UGT1A7: variants seen among roughly 807,000 people sequenced by gnomAD.
The protein encoded by UGT1A7 is UDP glucuronosyltransferase family 1 member A7.
In UGT1A7, 33 loss-of-function variants were observed where a neutral mutation model predicts 45.6. The observed-to-expected ratio is 0.72, with a 90% CI of 0.55 to 0.97. The LOEUF is 0.97. Ranked by LOEUF, UGT1A7 falls within the 50% of genes least tolerant of loss-of-function variation. The pLI, the probability that UGT1A7 is intolerant of heterozygous loss-of-function variation, is 0.00. For synonymous variants in UGT1A7, 274 were observed against 250.6 expected (o/e 1.09, Z -0.88); for missense variants, 684 against 666.2 (o/e 1.03, Z -0.29).
intron 1 of UGT1A7, among the ~76,000 whole-genome samples, chr2:233,751,775 T>C (rs1694807699): frequency 1.3e-5 from 2 of 152,228 alleles, no homozygotes; most frequent in Non-Finnish European, 2.9e-5. Context: ...ATGACTTTGC[T>C]TATCTCTCAC....
chr2:233,757,439 A>G (rs942606489), intron 1 of UGT1A7, among the ~76,000 whole-genome samples: 6 of 151,228 alleles, frequency 4.0e-5, no homozygotes, highest in African/African-American at 1.5e-4. Flanking sequence ...AGTCACTTCT[A>G]TACAGAAACA....
At chr2:233,744,920 C>T (rs543250877) in intron 1 of UGT1A7, among the ~76,000 whole-genome samples, 1 of 151,948 alleles carries the variant, frequency 6.6e-6, no homozygotes, top group African/African-American at 2.4e-5. Flanking sequence ...GCTCAAGCTC[C>T]TTTTATAAAA....
intron 1 of UGT1A7, among the ~76,000 whole-genome samples, chr2:233,758,268 G>A (rs1000936353): frequency 2.6e-5 from 4 of 152,178 alleles, no homozygotes; most frequent in Non-Finnish European, 5.9e-5. Flanking sequence ...AGTATTTCTT[G>A]GTCAAGGGCA....
At chr2:233,764,522 C>G (rs1698581178) in intron 1 of UGT1A7, among the ~76,000 whole-genome samples, 1 of 152,138 alleles carries the variant, frequency 6.6e-6, no homozygotes, top group Non-Finnish European at 1.5e-5. Context: ...TGAATCACAT[C>G]CTGCTGATTG....
chr2:233,750,944 CAG>C (rs1694596562), intron 1 of UGT1A7, among the ~76,000 whole-genome samples: 3 of 152,000 alleles, frequency 2.0e-5, no homozygotes, highest in Middle Eastern at 3.4e-3. Flanking sequence ...AGCCCCCACA[CAG>C]AGTCTCCACT....
chr2:233,753,865 C>T (rs560460253), intron 1 of UGT1A7, among the ~76,000 whole-genome samples: 1 of 152,330 alleles, frequency 6.6e-6, no homozygotes, highest in East Asian at 1.9e-4. Context: ...CACATAACCC[C>T]AAGGTCTGTC....
chr2:233,765,571 G>A (rs997936570), intron 1 of UGT1A7, among the ~76,000 whole-genome samples: 4 of 152,064 alleles, frequency 2.6e-5, no homozygotes, highest in Admixed American at 2.0e-4. Flanking sequence ...ATGCGTAGAC[G>A]CAGGGAGGGG....
At chr2:233,708,113 A>G (rs956994077) in intron 1 of UGT1A7, among the ~76,000 whole-genome samples, 2 of 152,226 alleles carry the variant, frequency 1.3e-5, no homozygotes, top group African/African-American at 4.8e-5. Context: ...ACATCTTAGT[A>G]TATGACTCAC....
At chr2:233,767,454 G>A (rs1699397027) in intron 2 of UGT1A7, among the ~76,000 whole-genome samples, 1 of 152,122 alleles carries the variant, frequency 6.6e-6, no homozygotes, top group South Asian at 2.1e-4. Context: ...TAAAATAAAT[G>A]GGATATTGTT....
chr2:233,720,572 T>C (rs2076872220), intron 1 of UGT1A7, among the ~76,000 whole-genome samples: 1 of 152,112 alleles, frequency 6.6e-6, no homozygotes, highest in Non-Finnish European at 1.5e-5. Context: ...ATCTATTCTT[T>C]TTCCAAAAAT....
chr2:233,763,322 A>T (rs767434078), intron 1 of UGT1A7, among the ~76,000 whole-genome samples: 4 of 152,108 alleles, frequency 2.6e-5, no homozygotes, highest in Non-Finnish European at 5.9e-5. Context: ...CTTCTGTATT[A>T]TTTTTGTTTA....
At position 233,682,379 on chromosome 2, in the gene UGT1A7, G is replaced by A. The variant is rs768980340; in HGVS notation, c.442G>A (p.Asp148Asn). ...KESCFDAVFL[D>N]PFDACGLIVA... ...GAGTTGTTTTGATGCAGTGTTTCTC[G>A]ATCCTTTTGATGCCTGTGGCTTAAT... The change falls in exon 1 of 5, where the codon GAT (aspartate) becomes AAT (asparagine). Residue 148 changes from aspartate to asparagine, a missense_variant. Asp to Asn is a conservative substitution (Grantham distance 23). Coordinates refer to ENST00000373426, the MANE Select transcript of UGT1A7 (RefSeq NM_019077.3). 6.2e-7 allele frequency: 1 copy of A among 1,613,868 alleles called. No homozygotes were observed. The highest frequency in any genetic ancestry group is 1.3e-5 in the African/African-American group (1 of 74,956).
At chr2:233,759,132 G>A (rs532304308) in intron 1 of UGT1A7, among the ~76,000 whole-genome samples, 12 of 152,322 alleles carry the variant, frequency 7.9e-5, no homozygotes, top group Non-Finnish European at 1.8e-4. Context: ...CCTCTGGTAC[G>A]CAATGAAGGT....
chr2:233,698,747 A>G (rs2075459836), intron 1 of UGT1A7, among the ~76,000 whole-genome samples: 1 of 152,228 alleles, frequency 6.6e-6, no homozygotes, highest in Non-Finnish European at 1.5e-5. Context: ...TTTTTTACAT[A>G]ATGCTATGAT....
rs573018562 is a variant in UGT1A7 at position 233,765,032 on chromosome 2, G to A, written c.856-2002G>A. On this transcript the variant is annotated intron_variant, in intron 1 of 4. Transcript: ENST00000373426. Reference sequence around the variant, plus strand: ...AATCAGGCTTGGCAGGAGTCCTGCTGTGCAAATTGCGTTTGCTGAGCCCTG... The same window carrying A: ...AATCAGGCTTGGCAGGAGTCCTGCTATGCAAATTGCGTTTGCTGAGCCCTG... 2.6e-5 allele frequency among the ~76,000 whole-genome samples: 4 copies of A among 152,152 alleles called. No homozygotes were observed. In the East Asian group the frequency reaches 7.7e-4, roughly 29 times the overall value.
At position 233,769,924 on chromosome 2, in the gene UGT1A7, G is replaced by A. The variant is rs1699985317; in HGVS notation, c.1295+1485G>A. On this transcript the variant is annotated intron_variant, in intron 4 of 4. Coordinates refer to ENST00000373426, the MANE Select transcript of UGT1A7 (RefSeq NM_019077.3). This position sits in a 1 kb window ranked among gnomAD's most constrained non-coding sequence, Gnocchi z 4.4. Reference sequence around the variant, plus strand: ...TCATGTGCCCAGAGCGTTGGGTGGTGTGGTCCCATTCCTTCCTTCCAGCGG... The same window carrying A: ...TCATGTGCCCAGAGCGTTGGGTGGTATGGTCCCATTCCTTCCTTCCAGCGG... 1.1e-5 allele frequency: 3 copies of A among 268,160 alleles called. No individual in the cohort carries two copies. In the South Asian group the frequency reaches 2.2e-4, roughly 20 times the overall value. 16.6% of individuals were successfully genotyped at this position (268,160 alleles called of 1,614,324 possible). A position where few individuals can be genotyped will look rare whatever the true frequency, so the allele number is the denominator to read the frequency against.
chr2:233,701,410 C>G (rs905245248), intron 1 of UGT1A7, among the ~76,000 whole-genome samples: 1 of 152,020 alleles, frequency 6.6e-6, no homozygotes, highest in African/African-American at 2.4e-5. Flanking sequence ...CTTTAACACC[C>G]CACTGTCAAC....
chr2:233,767,288 C>T (rs1214442488), intron 2 of UGT1A7, 123 bp downstream of exon 2: 1 of 1,566,280 alleles, frequency 6.4e-7, no homozygotes, highest in African/African-American at 1.4e-5. Flanking sequence ...TGCCACTTCC[C>T]AACTATTAAT....
chr2:233,713,544 A>C, intron 1 of UGT1A7: 2 of 1,613,986 alleles, frequency 1.2e-6, no homozygotes, highest in Non-Finnish European at 1.7e-6. Flanking sequence ...CTTTAAGGGC[A>C]CACAGTGTCC....
Sources: gnomAD v4.1 joint callset for allele counts (sites outside exome capture counted in the v4.1 genomes callset) on GRCh38, gnomAD v4.1.1 for gene constraint, Gnocchi (gnomAD v3.1) non-coding constraint, MANE v1.5 for transcripts, NCBI Gene and HGNC (gene_info 2026-07-23, HGNC 2026-07-21) for gene names.